The following MARCHF1 variants were observed in gnomAD, a reference collection of about 807,000 sequenced individuals.
The protein encoded by MARCHF1 is membrane associated ring-CH-type finger 1.
Under a neutral mutation model 54.2 loss-of-function variants are expected in MARCHF1, and 40 were observed. The observed-to-expected ratio is 0.74, with a 90% CI of 0.57 to 0.96. The LOEUF (loss-of-function observed/expected upper bound fraction) is 0.96, where lower values mean the gene tolerates loss of function less well. Among genes scored for constraint, MARCHF1 ranks in the 40% least tolerant of loss-of-function variants. The pLI, the probability that MARCHF1 is intolerant of heterozygous loss-of-function variation, is 0.00. For synonymous variants in MARCHF1, 236 were observed against 236.3 expected (o/e 1.00, Z 0.01); for missense variants, 586 against 656.5 (o/e 0.89, Z 1.17).
chr4:163,892,328 T>A (rs1159146408), intron 3 of MARCHF1, among the ~76,000 whole-genome samples: 7 of 152,100 alleles, frequency 4.6e-5, no homozygotes, highest in Admixed American at 4.6e-4. Context: ...GGCAGACCTG[T>A]AATATTCAGA....
chr4:163,753,923 G>A (rs913820985), intron 4 of MARCHF1, among the ~76,000 whole-genome samples: 1 of 152,136 alleles, frequency 6.6e-6, no homozygotes, highest in African/African-American at 2.4e-5. Context: ...GGGACCTGGA[G>A]CAGAGGAAAA....
intron 5 of MARCHF1, among the ~76,000 whole-genome samples, chr4:163,658,385 T>A (rs1561002882): frequency 6.6e-6 from 1 of 151,882 alleles, no homozygotes; most frequent in Non-Finnish European, 1.5e-5. Context: ...GTGATTATTA[T>A]AAAGTCAAGA....
At chr4:164,241,119 A>AGCCAAGGG (rs1211285437) in intron 1 of MARCHF1, among the ~76,000 whole-genome samples, 38 of 152,200 alleles carry the variant, frequency 2.5e-4, no homozygotes, top group African/African-American at 9.2e-4. Context: ...AGACCCATGA[A>AGCCAAGGG]TCGTACCAAG....
chr4:163,543,269 G>A (rs1738779560), intron 9 of MARCHF1, among the ~76,000 whole-genome samples: 1 of 152,058 alleles, frequency 6.6e-6, no homozygotes, highest in Non-Finnish European at 1.5e-5. Context: ...AAATATGATA[G>A]TTTCCACATG....
chr4:164,144,350 C>G (rs1444054155), intron 1 of MARCHF1, among the ~76,000 whole-genome samples: 1 of 151,704 alleles, frequency 6.6e-6, no homozygotes, highest in Non-Finnish European at 1.5e-5. Context: ...CTCTCCACCC[C>G]AAATCAACAG....
At chr4:164,313,676 GA>G (rs1044810145) in intron 1 of MARCHF1, among the ~76,000 whole-genome samples, 196 of 150,856 alleles carry the variant, frequency 1.3e-3, no homozygotes, top group African/African-American at 4.5e-3. Context: ...CATTTTAAAA[GA>G]AAAAAAAATA....
At chr4:163,742,384 CTCCTTCCTTCCTCCCTTCCT>C (rs879275081) in intron 4 of MARCHF1, among the ~76,000 whole-genome samples, 2,440 of 97,782 alleles carry the variant, frequency 0.025, 75 homozygotes, top group African/African-American at 0.083. Context: ...CCCTCGCTAC[CTCCTTCCTTCCTCCCTTCCT>C]TCCTTCCTTC....
chr4:163,811,847 C>T (rs1748397104), intron 4 of MARCHF1, among the ~76,000 whole-genome samples: 1 of 152,120 alleles, frequency 6.6e-6, no homozygotes, highest in Admixed American at 6.6e-5. Flanking sequence ...TATGTGTCCA[C>T]TTGACTGGGC....
intron 2 of MARCHF1, among the ~76,000 whole-genome samples, chr4:164,053,217 A>G (rs1162112934): frequency 6.6e-6 from 1 of 152,208 alleles, no homozygotes; most frequent in Non-Finnish European, 1.5e-5. Flanking sequence ...AATGCATAAA[A>G]ATTAGGTATC....
chr4:163,741,136 G>A (rs1746183614), intron 4 of MARCHF1, among the ~76,000 whole-genome samples: 1 of 152,130 alleles, frequency 6.6e-6, no homozygotes, highest in South Asian at 2.1e-4. Context: ...TACTAGTTAT[G>A]CAACCTTGGG....
chr4:164,165,674 A>C (rs1730361213), intron 1 of MARCHF1, among the ~76,000 whole-genome samples: 1 of 152,110 alleles, frequency 6.6e-6, no homozygotes, highest in Non-Finnish European at 1.5e-5. Context: ...GTAGAGCAAA[A>C]ACACAAAATG....
chr4:163,712,430 G>A (rs1401844322), intron 4 of MARCHF1, among the ~76,000 whole-genome samples: 1 of 152,090 alleles, frequency 6.6e-6, no homozygotes, highest in Non-Finnish European at 1.5e-5. Context: ...GATACTTTGT[G>A]ATTCAAACAA....
At chr4:163,882,621 G>C (rs1049218847) in intron 3 of MARCHF1, among the ~76,000 whole-genome samples, 2 of 152,046 alleles carry the variant, frequency 1.3e-5, no homozygotes, top group South Asian at 4.1e-4. Context: ...TTCCTCATGG[G>C]TTTTCTTTTT....
intron 1 of MARCHF1, chr4:164,197,344 T>A: frequency 6.2e-7 from 1 of 1,612,628 alleles, no homozygotes; most frequent in Non-Finnish European, 8.5e-7. Flanking sequence ...GTCGTTCAGG[T>A]TGGTTACCTC....
intron 1 of MARCHF1, among the ~76,000 whole-genome samples, chr4:164,129,693 A>G (rs1756261690): frequency 6.6e-6 from 1 of 152,166 alleles, no homozygotes; most frequent in Non-Finnish European, 1.5e-5. Context: ...AGTGAGTACA[A>G]TCAAGTGTGG....
chr4:164,330,707 G>A (rs1196003024), intron 1 of MARCHF1, among the ~76,000 whole-genome samples: 1 of 152,062 alleles, frequency 6.6e-6, no homozygotes, highest in African/African-American at 2.4e-5. Context: ...GAAAATGCAA[G>A]GCTAACTGAT....
At chr4:164,112,809 C>T (rs955632510) in intron 1 of MARCHF1, among the ~76,000 whole-genome samples, 72 of 151,810 alleles carry the variant, frequency 4.7e-4, no homozygotes, top group African/African-American at 1.7e-3. Context: ...GAATATATTG[C>T]ATAGAACCAT....
At chr4:164,183,600 G>T (rs2111021877) in intron 1 of MARCHF1, among the ~76,000 whole-genome samples, 1 of 152,210 alleles carries the variant, frequency 6.6e-6, no homozygotes, top group East Asian at 1.9e-4. Context: ...CAGAAGTTTT[G>T]TTGCTTTGTT....
At chr4:163,754,542 C>T (rs900055376) in intron 4 of MARCHF1, among the ~76,000 whole-genome samples, 6 of 152,088 alleles carry the variant, frequency 3.9e-5, no homozygotes, top group Non-Finnish European at 7.4e-5. Context: ...TAATGAAAAG[C>T]TGATAAGATG....
Sources: allele counts gnomAD v4.1 joint callset (sites outside exome capture counted in the v4.1 genomes callset), GRCh38; gene constraint gnomAD v4.1.1; transcripts MANE v1.5; gene names NCBI Gene and HGNC (gene_info 2026-07-23, HGNC 2026-07-21).